TRAF3IP3: variants seen among roughly 807,000 people sequenced by gnomAD.
The protein encoded by TRAF3IP3 is TRAF3 interacting protein 3, also known as TRAF3-interacting JNK-activating modulator.
TRAF3IP3 carries 64 observed loss-of-function variants against 86.5 expected under a neutral mutation model. The observed-to-expected ratio is 0.74, with a 90% CI of 0.60 to 0.91. The LOEUF (loss-of-function observed/expected upper bound fraction) is 0.91. Ranked by LOEUF, TRAF3IP3 falls within the 40% of genes least tolerant of loss-of-function variation. The pLI, the probability that TRAF3IP3 is intolerant of heterozygous loss-of-function variation, is 0.00. For missense variants in TRAF3IP3, 579 were observed against 642.9 expected, an observed-to-expected ratio of 0.90 and a Z score of 1.07; for synonymous variants, 220 against 243.9, an observed-to-expected ratio of 0.90 and a Z score of 0.91.
At chr1:209,779,279 T>C in intron 13 of TRAF3IP3, 36 bp from the exon 14 acceptor site, 3 of 1,597,942 alleles carry the variant, frequency 1.9e-6, no homozygotes, top group Non-Finnish European at 2.6e-6. Flanking sequence ...GTAGTAAATA[T>C]GCTAGCATAG....
At chr1:209,777,024 C>G (rs909829779) in intron 11 of TRAF3IP3, 1 of 165,832 alleles carries the variant, frequency 6.0e-6, no homozygotes, top group Non-Finnish European at 1.3e-5. Flanking sequence ...CCCAAGAGGT[C>G]GAGGCTGCAA....
At chr1:209,766,029 T>G (rs2077349730) in intron 8 of TRAF3IP3, among the ~76,000 whole-genome samples, 1 of 152,190 alleles carries the variant, frequency 6.6e-6, no homozygotes, top group African/African-American at 2.4e-5. Context: ...TGGAAAGAGA[T>G]GGAGCACACA....
intron 8 of TRAF3IP3, 46 bp from the exon 9 acceptor site, chr1:209,772,902 G>T: frequency 6.5e-7 from 1 of 1,531,308 alleles, no homozygotes; most frequent in South Asian, 1.1e-5. Flanking sequence ...ACTCTTTGCA[G>T]ACTAGATTTT....
At chr1:209,779,627 A>T (rs2077734908) in intron 14 of TRAF3IP3, 1 of 614,632 alleles carries the variant, frequency 1.6e-6, no homozygotes, top group East Asian at 2.8e-5. Context: ...TCTGTGTTGA[A>T]CATTTCAATA....
rs1384346585 is a variant in TRAF3IP3 at position 209,763,050 on chromosome 1, A to C, written c.552-18A>C. 1 of 1,613,388 alleles carries C rather than the reference A, an allele frequency of 6.2e-7. No homozygotes were observed. The highest frequency in any genetic ancestry group is 1.7e-5 in the Admixed American group (1 of 60,016). On this transcript the variant is annotated intron_variant, in intron 5 of 16. Transcript: ENST00000367025. ...TCTTTGGTCCATTATCATTATTTTT[A>C]ATTTCTTCTCTTTCCAGTTACGGAG... is the stretch of plus-strand genomic sequence containing the variant.
chr1:209,779,619 T>C, intron 14 of TRAF3IP3: 1 of 623,232 alleles, frequency 1.6e-6, no homozygotes, highest in Non-Finnish European at 2.9e-6. Flanking sequence ...AGCACATGTC[T>C]GTGTTGAACA....
intron 8 of TRAF3IP3, among the ~76,000 whole-genome samples, chr1:209,770,094 C>T (rs1040198543): frequency 1.3e-5 from 2 of 152,150 alleles, no homozygotes; most frequent in African/African-American, 2.4e-5. Flanking sequence ...CTCTTCATGC[C>T]GGCCTTGCTC....
chr1:209,756,514 T>C (rs1465191988), intron 1 of TRAF3IP3, among the ~76,000 whole-genome samples: 2 of 152,212 alleles, frequency 1.3e-5, no homozygotes, highest in Admixed American at 6.5e-5. Flanking sequence ...CTTGCACCAC[T>C]CCTCTGTTCC....
chr1:209,782,118 C>T lies in TRAF3IP3; in HGVS notation c.1626C>T (p.Phe542=), dbSNP rs544376202. ...TGATTGCTGCAGCACTGGCAGTGTT[C>T]CTGGCCAATAAAGACAACCTGATGA... The part of the protein sequence containing the change: ...MVVIAAALAV[F]LANKDNLMI The change falls in exon 17 of 17, where the codon TTC becomes TTT. Residue 542 remains phenylalanine (F), a synonymous_variant. Transcript: ENST00000367025. 6.2e-7 allele frequency: 1 copy of T among 1,614,124 alleles called. No homozygotes were observed. The highest frequency in any genetic ancestry group is 2.2e-5 in the East Asian group (1 of 44,884).
intron 9 of TRAF3IP3, among the ~76,000 whole-genome samples, chr1:209,774,715 G>A (rs1376931866): frequency 6.6e-6 from 1 of 152,212 alleles, no homozygotes; most frequent in East Asian, 1.9e-4. Flanking sequence ...AGAATCCATG[G>A]AGAGATTTAT....
intron 8 of TRAF3IP3, among the ~76,000 whole-genome samples, chr1:209,771,033 C>A: frequency 1.2e-5 from 1 of 85,830 alleles, no homozygotes; most frequent in African/African-American, 4.8e-5. Context: ...TGTGTGTGTG[C>A]TCAGGTGGAA....
intron 11 of TRAF3IP3, 50 bp from the exon 12 acceptor site, chr1:209,777,302 C>G (rs764334977): frequency 1.6e-5 from 25 of 1,517,024 alleles, no homozygotes; most frequent in Non-Finnish European, 2.1e-5. Context: ...CCCCCAACCT[C>G]CACCCCAACA....
intron 15 of TRAF3IP3, 27 bp from the exon 16 acceptor site, chr1:209,781,318 T>C (rs367857404): frequency 1.3e-6 from 2 of 1,513,116 alleles, no homozygotes; most frequent in Non-Finnish European, 1.8e-6. Flanking sequence ...GAAGTGACAG[T>C]GATGACTTTG....
chr1:209,769,382 G>A (rs1382422008), intron 8 of TRAF3IP3, among the ~76,000 whole-genome samples: 1 of 152,202 alleles, frequency 6.6e-6, no homozygotes, highest in African/African-American at 2.4e-5. Context: ...CTTTGTCCAC[G>A]TCTTCCATCG....
At chr1:209,773,907 A>G in intron 9 of TRAF3IP3, among the ~76,000 whole-genome samples, 1 of 152,244 alleles carries the variant, frequency 6.6e-6, no homozygotes, top group East Asian at 1.9e-4. Flanking sequence ...TGGATGTCCA[A>G]TAACTGGGAC....
chr1:209,770,932 G>GCGCT (rs2077481702), intron 8 of TRAF3IP3, among the ~76,000 whole-genome samples: 1 of 143,320 alleles, frequency 7.0e-6, no homozygotes, highest in Non-Finnish European at 1.5e-5. Context: ...GTGTGCGTGT[G>GCGCT]CAGGTGGAGG....
chr1:209,777,598 T>G (rs1372710808), intron 12 of TRAF3IP3, 111 bp downstream of exon 12: 9 of 1,159,296 alleles, frequency 7.8e-6, no homozygotes, highest in Non-Finnish European at 1.1e-5. Flanking sequence ...TTTGCTTGAT[T>G]GGTTGATTGG....
chr1:209,771,636 C>CGTGTGCATGTGAAG (rs1199190131), intron 8 of TRAF3IP3, among the ~76,000 whole-genome samples: 1 of 117,820 alleles, frequency 8.5e-6, no homozygotes, highest in Admixed American at 9.1e-5. Flanking sequence ...TGGAGGTGTG[C>CGTGTGCATGTGAAG]GTGTGCATGT....
At chr1:209,768,273 G>A (rs757224587) in intron 8 of TRAF3IP3, 1 of 985,212 alleles carries the variant, frequency 1.0e-6, no homozygotes, top group Non-Finnish European at 1.2e-6. Flanking sequence ...GAATCCCAAG[G>A]ATCAGCTCCC....
Sources: gnomAD v4.1 joint callset for allele counts (sites outside exome capture counted in the v4.1 genomes callset) on GRCh38, gnomAD v4.1.1 for gene constraint, MANE v1.5 for transcripts, NCBI Gene and HGNC (gene_info 2026-07-23, HGNC 2026-07-21) for gene names.